STARD13: variants seen among roughly 807,000 people sequenced by gnomAD.
The protein encoded by STARD13 is stAR-related lipid transfer protein 13.
STARD13 carries 62 observed loss-of-function variants against 106.4 expected under a neutral mutation model. The observed-to-expected ratio is 0.58, with a 90% CI of 0.48 to 0.72. The LOEUF (loss-of-function observed/expected upper bound fraction) is 0.72. STARD13 is among the 30% of genes least tolerant of loss of function. The pLI, the probability that STARD13 is intolerant of heterozygous loss-of-function variation, is 0.00. For synonymous variants in STARD13, 565 were observed against 553.0 expected, an observed-to-expected ratio of 1.02 and a Z score of -0.31; for missense variants, 1,387 against 1,424.0, an observed-to-expected ratio of 0.97 and a Z score of 0.42.
At chr13:33,592,931 G>A in the STARD13 span, among the ~76,000 whole-genome samples, 35 of 152,260 alleles carry the variant, frequency 2.3e-4, no homozygotes, top group African/African-American at 8.2e-4. Flanking sequence ...AGGAGGGCTG[G>A]GTTGGGGACA....
At chr13:33,339,789 A>G (rs2077939136) in intron 1 of STARD13, among the ~76,000 whole-genome samples, 1 of 152,228 alleles carries the variant, frequency 6.6e-6, no homozygotes, top group Non-Finnish European at 1.5e-5. Context: ...TCTTGGCACT[A>G]AAAGAAAGAC....
chr13:33,583,407 C>CT, the STARD13 span, among the ~76,000 whole-genome samples: 1 of 152,164 alleles, frequency 6.6e-6, no homozygotes, highest in Admixed American at 6.5e-5. Flanking sequence ...CAAAATATGC[C>CT]TATCATTTCC....
At chr13:33,286,370 A>C (rs898241154), upstream of STARD13, among the ~76,000 whole-genome samples, 3 of 152,196 alleles carry the variant, frequency 2.0e-5, no homozygotes, top group African/African-American at 7.2e-5. Context: ...CAGAGAGGCA[A>C]AGTACACACG....
chr13:33,252,322 G>A (rs910777615), intron 1 of STARD13, among the ~76,000 whole-genome samples: 1 of 152,202 alleles, frequency 6.6e-6, no homozygotes, highest in Non-Finnish European at 1.5e-5. Context: ...AGGGCCTCAA[G>A]AGGCTGCCCT....
the STARD13 span, among the ~76,000 whole-genome samples, chr13:33,356,441 C>A: frequency 6.6e-6 from 1 of 152,164 alleles, no homozygotes; most frequent in South Asian, 2.1e-4. Flanking sequence ...AAGCCCCAGT[C>A]CCCAGCTCCC....
At chr13:33,381,026 A>T in the STARD13 span, among the ~76,000 whole-genome samples, 1 of 152,198 alleles carries the variant, frequency 6.6e-6, no homozygotes, top group Admixed American at 6.5e-5. Flanking sequence ...AGAAGCAAAA[A>T]TATCACTGAC....
the STARD13 span, among the ~76,000 whole-genome samples, chr13:33,583,727 TA>T: frequency 6.6e-6 from 1 of 152,200 alleles, no homozygotes; most frequent in Non-Finnish European, 1.5e-5. Flanking sequence ...TAGCAACTCA[TA>T]GCTCCAAACC....
At chr13:33,669,492 C>T in the STARD13 span, among the ~76,000 whole-genome samples, 1 of 150,002 alleles carries the variant, frequency 6.7e-6, no homozygotes, top group African/African-American at 2.5e-5. Flanking sequence ...TGGAATCTTA[C>T]CCATGCTCAC....
intron 6 of STARD13, among the ~76,000 whole-genome samples, chr13:33,126,789 A>G (rs987584821): frequency 2.0e-5 from 3 of 152,338 alleles, no homozygotes; most frequent in Middle Eastern, 3.4e-3. Flanking sequence ...TTAAATATGT[A>G]TAATATAAAA....
intron 1 of STARD13, among the ~76,000 whole-genome samples, chr13:33,264,743 A>T (rs1890811759): frequency 6.6e-6 from 1 of 152,130 alleles, no homozygotes. Flanking sequence ...TCTAGAGAAC[A>T]ACCTGGCATT....
the STARD13 span, among the ~76,000 whole-genome samples, chr13:33,451,624 G>T: frequency 6.6e-6 from 1 of 152,138 alleles, no homozygotes; most frequent in Admixed American, 6.6e-5. Context: ...ACACTCAGTT[G>T]GGTCTGCATA....
chr13:33,268,466 A>C (rs1027114836), intron 1 of STARD13, among the ~76,000 whole-genome samples: 5 of 152,262 alleles, frequency 3.3e-5, no homozygotes, highest in African/African-American at 9.6e-5. Context: ...AGCCCTGAGT[A>C]AGAGCCGGGC....
At chr13:33,660,148 C>A in the STARD13 span, among the ~76,000 whole-genome samples, 1 of 149,350 alleles carries the variant, frequency 6.7e-6, no homozygotes, top group African/African-American at 2.5e-5. Context: ...AACAATACTC[C>A]AGCACAAGCA....
At chr13:33,604,634 T>TA in the STARD13 span, among the ~76,000 whole-genome samples, 1,703 of 151,890 alleles carry the variant, frequency 0.011, 25 homozygotes, top group African/African-American at 0.038. Flanking sequence ...CCGTCTTTAC[T>TA]AAAAAAATAC....
At chr13:33,229,082 G>T (rs1043334526) in intron 1 of STARD13, among the ~76,000 whole-genome samples, 3 of 152,198 alleles carry the variant, frequency 2.0e-5, no homozygotes, top group Admixed American at 6.5e-5. Context: ...TGCACCAAGT[G>T]GTGAAGCAGC....
the STARD13 span, among the ~76,000 whole-genome samples, chr13:33,368,150 C>T: frequency 6.6e-6 from 1 of 152,194 alleles, no homozygotes; most frequent in Non-Finnish European, 1.5e-5. Context: ...TCTGCCTCCA[C>T]TTCCTCCTTA....
At chr13:33,627,878 C>T in the STARD13 span, among the ~76,000 whole-genome samples, 1 of 152,034 alleles carries the variant, frequency 6.6e-6, no homozygotes, top group Non-Finnish European at 1.5e-5. Context: ...GTGAGATGAA[C>T]ATCGAAGCTA....
the STARD13 span, among the ~76,000 whole-genome samples, chr13:33,399,476 C>T: frequency 6.6e-6 from 1 of 151,872 alleles, no homozygotes; most frequent in Admixed American, 6.6e-5. Flanking sequence ...GGGTGGATCA[C>T]GAGGTCAGGA....
At chr13:33,222,443 T>C (rs1888408286) in intron 1 of STARD13, among the ~76,000 whole-genome samples, 1 of 152,102 alleles carries the variant, frequency 6.6e-6, no homozygotes, top group Non-Finnish European at 1.5e-5. Flanking sequence ...GTGATGGAGA[T>C]GGCAAACTTT....
Sources: gnomAD v4.1 joint callset for allele counts (sites outside exome capture counted in the v4.1 genomes callset) on GRCh38, gnomAD v4.1.1 for gene constraint, MANE v1.5 for transcripts, NCBI Gene and HGNC (gene_info 2026-07-23, HGNC 2026-07-21) for gene names.